Variants in ANKRD6 observed in about 807,000 individuals in gnomAD.
The protein encoded by ANKRD6 is ankyrin repeat domain-containing protein 6.
A neutral mutation model predicts 82.3 loss-of-function variants in ANKRD6; 56 were observed. The observed-to-expected ratio is 0.68, with a 90% CI of 0.55 to 0.85. The LOEUF (loss-of-function observed/expected upper bound fraction) is 0.85, where lower values mean the gene tolerates loss of function less well. Among genes scored for constraint, ANKRD6 ranks in the 40% least tolerant of loss-of-function variants. ANKRD6 has a pLI of 0.00. For missense variants in ANKRD6, 852 were observed against 907.6 expected, an observed-to-expected ratio of 0.94 and a Z score of 0.79; for synonymous variants, 347 against 352.1, an observed-to-expected ratio of 0.99 and a Z score of 0.16.
At chr6:89,566,087 G>T (rs986694140) in intron 1 of ANKRD6, among the ~76,000 whole-genome samples, 1 of 152,222 alleles carries the variant, frequency 6.6e-6, no homozygotes, top group Non-Finnish European at 1.5e-5. Context: ...GGGCTTTAGT[G>T]TTCCATAGGT....
chr6:89,444,231 C>T lies in ANKRD6; in HGVS notation c.-144+10856C>T, dbSNP rs539761395. Among the ~76,000 whole-genome samples the T allele has an allele frequency of 6.6e-5, 10 of 152,316 alleles. No individual in the cohort carries two copies. The South Asian group carries it at 1.2e-3, about 19-fold the overall frequency. On this transcript the variant is annotated intron_variant, in intron 1 of 15. Coordinates refer to ENST00000339746, the MANE Select transcript of ANKRD6 (RefSeq NM_001242809.2). ...CCTGAGTTACAGAATATCTATTGAA[C>T]GGCTTGCTTACTGAAGCCTTTGTTT...
chr6:89,477,596 C>T (rs1015426337), intron 1 of ANKRD6, among the ~76,000 whole-genome samples: 6 of 151,756 alleles, frequency 4.0e-5, no homozygotes, highest in African/African-American at 1.4e-4. Flanking sequence ...ATGGCGAAAC[C>T]TCATCTGTAC....
chr6:89,511,311 T>C (rs956474439), intron 1 of ANKRD6, among the ~76,000 whole-genome samples: 5 of 152,210 alleles, frequency 3.3e-5, no homozygotes, highest in East Asian at 1.9e-4. Flanking sequence ...CACTGAGGCA[T>C]TGGGAGATTC....
At chr6:89,546,996 C>T (rs1785174504) in intron 1 of ANKRD6, among the ~76,000 whole-genome samples, 1 of 152,090 alleles carries the variant, frequency 6.6e-6, no homozygotes, top group Non-Finnish European at 1.5e-5. Context: ...AGGTCTCACT[C>T]TGTTGTCCAG....
At position 89,598,034 on chromosome 6, in the gene ANKRD6, G is replaced by T. The variant is rs150945640; in HGVS notation, c.219+2020G>T. On this transcript the variant is annotated intron_variant, in intron 3 of 15. Coordinates refer to ENST00000339746, the MANE Select transcript of ANKRD6 (RefSeq NM_001242809.2). ...CAGAAGTTACCTGTCTTGGATGGTG[G>T]GTAGAAACAGAGAATGTTAATGATA... The T allele has an allele frequency of 1.1e-3, 960 of 892,694 alleles. 31 individuals are homozygous for T. In the Admixed American group the frequency reaches 0.042, roughly 39 times the overall value. 55.3% of individuals were successfully genotyped at this position (892,694 alleles called of 1,614,324 possible).
intron 2 of ANKRD6, among the ~76,000 whole-genome samples, chr6:89,578,286 CTTTTTTTTTTT>C (rs71024383): frequency 4.2e-5 from 5 of 119,096 alleles, no homozygotes; most frequent in Admixed American, 2.7e-4. Flanking sequence ...CTCCCGCCTC[CTTTTTTTTTTT>C]TTTTTTTTTT....
chr6:89,471,565 A>G (rs1024871266), intron 1 of ANKRD6, among the ~76,000 whole-genome samples: 13 of 151,858 alleles, frequency 8.6e-5, no homozygotes, highest in African/African-American at 3.1e-4. Flanking sequence ...AGAATGTGGG[A>G]AAGAGTGGCC....
intron 1 of ANKRD6, among the ~76,000 whole-genome samples, chr6:89,480,958 G>A (rs202179184): frequency 0.14 from 7,655 of 54,822 alleles, 223 homozygotes; most frequent in South Asian, 0.27. Context: ...AAAAAAAATA[G>A]AAGAAGAAGA....
At chr6:89,596,155 A>T in intron 3 of ANKRD6, 141 bp downstream of exon 3, 1 of 727,072 alleles carries the variant, frequency 1.4e-6, no homozygotes. Flanking sequence ...TCTCTGTGGC[A>T]GCAAGAACTT....
At chr6:89,478,688 C>T (rs1319399811) in intron 1 of ANKRD6, among the ~76,000 whole-genome samples, 4 of 143,496 alleles carry the variant, frequency 2.8e-5, no homozygotes, top group Non-Finnish European at 4.5e-5. Context: ...ACCTGGGAGG[C>T]GGAGATTGGG....
chr6:89,582,181 A>G (rs1165515844), intron 2 of ANKRD6, among the ~76,000 whole-genome samples: 4 of 152,198 alleles, frequency 2.6e-5, no homozygotes, highest in African/African-American at 4.8e-5. Context: ...GTTTTGAAGG[A>G]GAATTGTCAG....
intron 5 of ANKRD6, among the ~76,000 whole-genome samples, chr6:89,607,174 A>AG (rs1464886342): frequency 6.6e-6 from 1 of 151,746 alleles, no homozygotes; most frequent in Non-Finnish European, 1.5e-5. Flanking sequence ...GGTCTCAAAA[A>AG]AAAAAAAAAG....
At chr6:89,545,343 A>G (rs1006754276) in intron 1 of ANKRD6, among the ~76,000 whole-genome samples, 5 of 152,098 alleles carry the variant, frequency 3.3e-5, no homozygotes, top group African/African-American at 1.2e-4. Flanking sequence ...GGGTGGTTCC[A>G]TCTGGGTAAA....
intron 1 of ANKRD6, among the ~76,000 whole-genome samples, chr6:89,444,972 A>T (rs1771881676): frequency 6.6e-6 from 1 of 152,132 alleles, no homozygotes; most frequent in Admixed American, 6.6e-5. Context: ...CCATGTCAAA[A>T]AAAAAAATCT....
chr6:89,621,722 T>C, intron 9 of ANKRD6, 200 bp from the exon 10 acceptor site: 2 of 596,136 alleles, frequency 3.4e-6, no homozygotes, highest in Non-Finnish European at 6.1e-6. Context: ...ATATCCTACC[T>C]GTCTCCGAGT....
chr6:89,464,396 G>A (rs76990014), intron 1 of ANKRD6, among the ~76,000 whole-genome samples: 8,327 of 152,242 alleles, frequency 0.055, 263 homozygotes, highest in South Asian at 0.13. Flanking sequence ...CGTTTCTTTA[G>A]TCCCTTCCAA....
chr6:89,449,739 T>G (rs1375530380), intron 1 of ANKRD6, among the ~76,000 whole-genome samples: 2 of 152,148 alleles, frequency 1.3e-5, no homozygotes, highest in African/African-American at 2.4e-5. Flanking sequence ...AATAAAAGCT[T>G]CCCTTTACCC....
chr6:89,513,465 A>G (rs1482916175), intron 1 of ANKRD6, among the ~76,000 whole-genome samples: 1 of 152,204 alleles, frequency 6.6e-6, no homozygotes, highest in Non-Finnish European at 1.5e-5. Flanking sequence ...AAGGAGAATC[A>G]TATGGCATAT....
intron 1 of ANKRD6, among the ~76,000 whole-genome samples, chr6:89,457,144 G>A (rs1316502454): frequency 1.3e-5 from 2 of 152,148 alleles, no homozygotes; most frequent in Admixed American, 6.5e-5. Flanking sequence ...CTCAAGGCAT[G>A]GCAGCTGGCT....
Sources: gnomAD v4.1 joint callset for allele counts (sites outside exome capture counted in the v4.1 genomes callset) on GRCh38, gnomAD v4.1.1 for gene constraint, MANE v1.5 for transcripts, NCBI Gene and HGNC (gene_info 2026-07-23, HGNC 2026-07-21) for gene names.